MEGF6: variants seen among roughly 807,000 people sequenced by gnomAD.
The protein encoded by MEGF6 is multiple EGF like domains 6.
MEGF6 carries 184 observed loss-of-function variants against 207.1 expected under a neutral mutation model. The ratio of observed to expected loss-of-function variants is 0.89; its 90% CI spans 0.79 to 1.00. The LOEUF is 1.00. MEGF6 is among the 50% of genes least tolerant of loss of function. MEGF6 has a pLI of 0.00. For synonymous variants in MEGF6, 1,038 were observed against 910.0 expected (o/e 1.14, Z -2.53); for missense variants, 2,282 against 2,202.9 (o/e 1.04, Z -0.72).
chr1:3,610,046 G>T (rs989838213), intron 1 of MEGF6, among the ~76,000 whole-genome samples: 1 of 152,258 alleles, frequency 6.6e-6, no homozygotes, highest in African/African-American at 2.4e-5. Flanking sequence ...AAAGGCATTG[G>T]AATCACAGGA....
Position 3,588,759 on chromosome 1 carries a change from C to A in MEGF6, c.376+6579G>T, listed in dbSNP as rs567804450. On this transcript the variant is annotated intron_variant, in intron 3 of 36. Transcript: ENST00000356575. ...TCTCTAGACTCAGTTCTTGCTCCATCTGCAAATCCAGAATCCCACCCCTTC... is the reference window on the plus strand; with the variant it reads ...TCTCTAGACTCAGTTCTTGCTCCATATGCAAATCCAGAATCCCACCCCTTC... Among the ~76,000 whole-genome samples, 4 of 152,180 alleles carry A rather than the reference C, an allele frequency of 2.6e-5. No homozygotes were observed. In the South Asian group the frequency reaches 8.3e-4, roughly 31 times the overall value.
chr1:3,531,306 C>A (rs1642159806), intron 4 of MEGF6: 14 of 1,246,140 alleles, frequency 1.1e-5, no homozygotes, highest in Non-Finnish European at 1.2e-5. Flanking sequence ...CCTAAGCCGG[C>A]GGCCGGGCGA....
At chr1:3,580,544 C>G (rs956435065) in intron 3 of MEGF6, among the ~76,000 whole-genome samples, 1 of 145,498 alleles carries the variant, frequency 6.9e-6, no homozygotes, top group Non-Finnish European at 1.5e-5. Flanking sequence ...ACCTGAGAGG[C>G]AAGGCAGGGG....
chr1:3,582,042 C>T (rs1643809532), intron 3 of MEGF6, among the ~76,000 whole-genome samples: 1 of 152,198 alleles, frequency 6.6e-6, no homozygotes, highest in South Asian at 2.1e-4. Context: ...GCTGAGGACA[C>T]CATCTCTCAA....
intron 4 of MEGF6, among the ~76,000 whole-genome samples, chr1:3,570,025 T>C (rs370481171): frequency 9.9e-5 from 15 of 152,182 alleles, no homozygotes; most frequent in African/African-American, 3.4e-4. Context: ...AACAATTCAC[T>C]GCACAAACAG....
chr1:3,599,337 A>AG (rs1644123208), intron 2 of MEGF6, among the ~76,000 whole-genome samples: 1 of 152,204 alleles, frequency 6.6e-6, no homozygotes, highest in Non-Finnish European at 1.5e-5. Flanking sequence ...ACCCTGCACC[A>AG]GGCAAGCCAG....
chr1:3,591,112 C>T (rs528002719), intron 3 of MEGF6, among the ~76,000 whole-genome samples: 2 of 152,258 alleles, frequency 1.3e-5, no homozygotes, highest in East Asian at 3.9e-4. Context: ...TTGAGACTCC[C>T]ACCCAACACA....
At chr1:3,561,727 G>A (rs55916715) in intron 4 of MEGF6, among the ~76,000 whole-genome samples, 1 of 152,224 alleles carries the variant, frequency 6.6e-6, no homozygotes, top group African/African-American at 2.4e-5. Flanking sequence ...AACACGGGGT[G>A]GGGTGGCGGG....
the MEGF6 span, among the ~76,000 whole-genome samples, chr1:3,623,746 T>C: frequency 1.3e-5 from 2 of 152,238 alleles, no homozygotes; most frequent in South Asian, 4.1e-4. Flanking sequence ...GCCTGTCTGC[T>C]GGCAAGTGGG....
rs562752596 is a variant in MEGF6 at position 3,563,117 on chromosome 1, C to A, written c.481+16708G>T. Among the ~76,000 whole-genome samples, 4 of 152,300 alleles carry A rather than the reference C, an allele frequency of 2.6e-5. No homozygotes were observed. The East Asian group carries it at 7.7e-4, about 29-fold the overall frequency. ...CTGCCTGCTCTGTTGAGCAGCCCTG[C>A]CCCTGCCCCCTGTGTGCAAGCCCAG... is the stretch of plus-strand genomic sequence containing the variant. On this transcript the variant is annotated intron_variant, in intron 4 of 36. Transcript: ENST00000356575.
chr1:3,509,903 A>T lies in MEGF6; in HGVS notation c.1324T>A (p.Tyr442Asn). ...GSFQCSCEAG[Y>N]RLHEDRRGCS... ...CCCCTACGGTCCTCGTGCAGCCGGT[A>T]GCCGGCCTCGCAGGAGCACTGGAAG... Residue 442 changes from tyrosine to asparagine, a missense_variant, in exon 11 of 37, where the codon TAC (tyrosine) becomes AAC (asparagine). By Grantham distance (143) the Tyr-to-Asn change is moderately radical. Transcript: ENST00000356575. The T allele has an allele frequency of 6.4e-7, 1 of 1,561,800 alleles. No homozygotes were observed. Among genetic ancestry groups the T allele is most frequent in the African/African-American group, 1.3e-5 (1 of 74,094 alleles).
chr1:3,527,446 C>A (rs537199958), intron 4 of MEGF6, among the ~76,000 whole-genome samples: 2 of 152,358 alleles, frequency 1.3e-5, no homozygotes, highest in Admixed American at 6.5e-5. Flanking sequence ...ACAAGACACA[C>A]CCACTCTGGG....
rs1312878566 is a variant in MEGF6, at chr1:3,505,199, G to A, written c.2188+9C>T. 1.2e-6 allele frequency: 2 copies of A among 1,610,898 alleles called. No homozygotes were observed. The highest frequency in any genetic ancestry group is 1.7e-6 in the Non-Finnish European group (2 of 1,179,602). On this transcript the variant is annotated intron_variant, in intron 17 of 36. Coordinates refer to ENST00000356575, the MANE Select transcript of MEGF6 (RefSeq NM_001409.4). ...AGACTGCCGGGAGCCCCAGGGGCCGGCCACTCACCTTGGCCACAGTCCTCT... is the reference window on the plus strand; with the variant it reads ...AGACTGCCGGGAGCCCCAGGGGCCGACCACTCACCTTGGCCACAGTCCTCT...
chr1:3,575,623 G>T (rs573360441), intron 4 of MEGF6, among the ~76,000 whole-genome samples: 2 of 80,258 alleles, frequency 2.5e-5, no homozygotes, highest in East Asian at 1.7e-3. Flanking sequence ...GCAAGGAGGA[G>T]CAAGTCACAT....
rs1640819716 is a variant in MEGF6 at position 3,500,684 on chromosome 1, T to A, written c.2656A>T (p.Ser886Cys). The change falls in exon 21 of 37, where the codon AGC becomes TGC. Residue 886 changes from serine to cysteine, a missense_variant. By Grantham distance (112) the Ser-to-Cys change is moderately radical. Coordinates refer to ENST00000356575, the MANE Select transcript of MEGF6 (RefSeq NM_001409.4). ...SAGHGSCDAI[S>C]GLCLCEAGYV... Reference sequence around the variant, plus strand: ...CCAGCCTCACACAGACACAGGCCGCTGATGGCATCACAGCTCCCGTGGCCA... The same window carrying A: ...CCAGCCTCACACAGACACAGGCCGCAGATGGCATCACAGCTCCCGTGGCCA... The A allele has an allele frequency of 6.3e-7, 1 of 1,578,468 alleles. No individual in the cohort carries two copies. The highest frequency in any genetic ancestry group is 8.6e-7 in the Non-Finnish European group (1 of 1,162,494).
At chr1:3,511,845 C>T (rs1456655633) in intron 8 of MEGF6, among the ~76,000 whole-genome samples, 158 bp from the exon 9 acceptor site, 1 of 152,172 alleles carries the variant, frequency 6.6e-6, no homozygotes, top group Non-Finnish European at 1.5e-5. Flanking sequence ...GGTCTGGGAC[C>T]CCCTGCTCTC....
At chr1:3,541,023 CCAAA>C (rs940743420) in intron 4 of MEGF6, among the ~76,000 whole-genome samples, 3 of 152,222 alleles carry the variant, frequency 2.0e-5, no homozygotes, top group Admixed American at 6.5e-5. Context: ...CATCCTGGGG[CCAAA>C]CAGTCAGCAG....
intron 15 of MEGF6, 138 bp downstream of exon 15, chr1:3,505,970 C>T: frequency 8.2e-7 from 1 of 1,222,810 alleles, no homozygotes. Context: ...ATGGCGGACC[C>T]CAGACCTACA....
At chr1:3,571,691 C>G (rs182887369) in intron 4 of MEGF6, among the ~76,000 whole-genome samples, 12 of 136,268 alleles carry the variant, frequency 8.8e-5, no homozygotes, top group African/African-American at 3.9e-4. Flanking sequence ...TGGTTCCTTC[C>G]TGGCGTGCTG....
Sources: gnomAD v4.1 joint callset for allele counts (sites outside exome capture counted in the v4.1 genomes callset) on GRCh38, gnomAD v4.1.1 for gene constraint, MANE v1.5 for transcripts, NCBI Gene and HGNC (gene_info 2026-07-23, HGNC 2026-07-21) for gene names.